TXNDC12: variants seen among roughly 807,000 people sequenced by gnomAD.
The protein encoded by TXNDC12 is thioredoxin domain containing 12, also known as thioredoxin domain-containing protein 12.
Under a neutral mutation model 24.2 loss-of-function variants are expected in TXNDC12, and 22 were observed. That is an observed-to-expected ratio of 0.91 (90% confidence interval 0.65 to 1.30). The LOEUF (loss-of-function observed/expected upper bound fraction) is 1.30, where lower values mean the gene tolerates loss of function less well. TXNDC12 is among the 50% of genes most tolerant of loss of function. The pLI is 0.00. For missense variants in TXNDC12, 184 were observed against 205.8 expected (o/e 0.89, Z 0.65); for synonymous variants, 58 against 73.4 (o/e 0.79, Z 1.07).
At chr1:52,044,656 A>G (rs949167646) in intron 1 of TXNDC12, among the ~76,000 whole-genome samples, 4 of 152,236 alleles carry the variant, frequency 2.6e-5, no homozygotes, top group African/African-American at 9.6e-5. Flanking sequence ...AATCACAAAA[A>G]CAGGCATGCA....
At chr1:52,033,201 A>G in intron 2 of TXNDC12, 1 of 1,614,228 alleles carries the variant, frequency 6.2e-7, no homozygotes, top group Non-Finnish European at 8.5e-7. Context: ...CCGGAGTCAC[A>G]AGAGCTGGAG....
intron 1 of TXNDC12, among the ~76,000 whole-genome samples, chr1:52,051,135 C>T (rs1345072253): frequency 1.3e-5 from 2 of 152,184 alleles, no homozygotes; most frequent in Non-Finnish European, 2.9e-5. Context: ...ATGCACACAA[C>T]AGCACCTGGA....
chr1:52,032,879 C>T (rs1205986795), intron 2 of TXNDC12: 1 of 1,613,884 alleles, frequency 6.2e-7, no homozygotes, highest in East Asian at 2.2e-5. Flanking sequence ...AGCAAGTCCC[C>T]GGGGACAGCG....
At chr1:52,027,552 T>G (rs927790809) in intron 3 of TXNDC12, among the ~76,000 whole-genome samples, 2 of 152,126 alleles carry the variant, frequency 1.3e-5, no homozygotes, top group African/African-American at 2.4e-5. Flanking sequence ...TTGAGTGACT[T>G]ACTTCATTTC....
intron 2 of TXNDC12, chr1:52,033,660 C>A (rs761346748): frequency 6.2e-7 from 1 of 1,611,316 alleles, no homozygotes; most frequent in Non-Finnish European, 8.5e-7. Context: ...CGTCGTCCAC[C>A]ACGTACACCG....
chr1:52,048,107 T>A (rs185496169), intron 1 of TXNDC12, among the ~76,000 whole-genome samples: 1 of 152,254 alleles, frequency 6.6e-6, no homozygotes, highest in East Asian at 1.9e-4. Context: ...AACTTGCCAA[T>A]TAAAGTGAAA....
At chr1:52,047,059 T>A (rs1686109489) in intron 1 of TXNDC12, among the ~76,000 whole-genome samples, 1 of 151,684 alleles carries the variant, frequency 6.6e-6, no homozygotes, top group South Asian at 2.1e-4. Flanking sequence ...AAAAGAATTT[T>A]GCTGTACCAG....
chr1:52,046,652 G>C (rs1165318107), intron 1 of TXNDC12, among the ~76,000 whole-genome samples: 1 of 152,076 alleles, frequency 6.6e-6, no homozygotes, highest in East Asian at 1.9e-4. Flanking sequence ...AAGGCAGGCA[G>C]ATCACTTGAG....
At chr1:52,055,473 C>G (rs1439688967), upstream of TXNDC12, 2 of 229,978 alleles carry the variant, frequency 8.7e-6, no homozygotes, top group Non-Finnish European at 1.8e-5. Flanking sequence ...CAGCCCCTCC[C>G]CCCAAGAACC....
chr1:52,046,025 C>T (rs1246613855), intron 1 of TXNDC12, among the ~76,000 whole-genome samples: 1 of 152,002 alleles, frequency 6.6e-6, no homozygotes, highest in Non-Finnish European at 1.5e-5. Context: ...CTAGCCTGGG[C>T]AACATAGTGA....
At chr1:52,052,475 G>A (rs1303602984) in intron 1 of TXNDC12, 1 of 169,486 alleles carries the variant, frequency 5.9e-6, no homozygotes, top group Non-Finnish European at 1.5e-5. Context: ...TTTCCACCTT[G>A]TTCTCTTATG....
chr1:52,045,059 G>A (rs535309321), intron 1 of TXNDC12, among the ~76,000 whole-genome samples: 2 of 151,868 alleles, frequency 1.3e-5, no homozygotes, highest in African/African-American at 2.4e-5. Flanking sequence ...GAAATACAAA[G>A]TGAATGAATA....
At chr1:52,047,666 G>T (rs1385155223) in intron 1 of TXNDC12, among the ~76,000 whole-genome samples, 2 of 152,176 alleles carry the variant, frequency 1.3e-5, no homozygotes, top group Non-Finnish European at 2.9e-5. Context: ...TACTCTGGAG[G>T]TTGAGTCAGG....
At position 52,055,031 on chromosome 1, in the gene TXNDC12, G is replaced by C. The variant is rs769379397; in HGVS notation, c.66C>G (p.Ile22Met). Residue 22 changes from isoleucine (I) to methionine (M), a missense_variant, in exon 1 of 7, where the codon ATC becomes ATG. Ile to Met is a conservative substitution (Grantham distance 10, BLOSUM62 1). Transcript: ENST00000371626. ...CAAGCCCATTATGTCCATCAGAAGA[G>C]ATGACGAGGAGCAGGAAACTGAAGC... Reference protein sequence around the residue: ...LLGFSFLLLVISSDGHNGLGK... With the variant: ...LLGFSFLLLVMSSDGHNGLGK... The C allele has an allele frequency of 7.4e-6, 12 of 1,614,072 alleles. No homozygotes were observed. The East Asian group carries it at 2.7e-4, about 36-fold the overall frequency.
In TXNDC12 at chr1:52,038,903, GTTT is replaced by G. The variant is rs71041880; in HGVS notation, c.158+2631_158+2633del. On this transcript the variant is annotated intron_variant, in intron 2 of 6. Coordinates refer to ENST00000371626, the MANE Select transcript of TXNDC12 (RefSeq NM_015913.4). Reference sequence around the variant, plus strand: ...AATTTTCTTTTTTTTTTCTTTTTCTGTTTTTTTTTTTTTTTTACGCAATTGGTC... The same window carrying G: ...AATTTTCTTTTTTTTTTCTTTTTCTGTTTTTTTTTTTTTACGCAATTGGTC... Among the ~76,000 whole-genome samples the G allele has an allele frequency of 6.0e-5, 7 of 116,286 alleles. No individual in the cohort carries two copies. In the East Asian group the frequency reaches 7.2e-4, roughly 12 times the overall value. The allele number at this position is 116,286 out of a possible 152,430, so 76.3% of individuals were successfully genotyped here. A position where few individuals can be genotyped will look rare whatever the true frequency, so the allele number is the denominator to read the frequency against.
Position 52,024,593 on chromosome 1 carries a change from A to T in TXNDC12, c.286-14T>A. The T allele has an allele frequency of 6.3e-7, 1 of 1,595,118 alleles. No homozygotes were observed. Among genetic ancestry groups the T allele is most frequent in the Non-Finnish European group, 8.6e-7 (1 of 1,167,214 alleles). On this transcript the variant is annotated splice_polypyrimidine_tract_variant and intron_variant, in intron 4 of 6. Transcript: ENST00000371626. ...TTCCTCTTCATCCTATTAAGATTAA[A>T]TGTAAACCTTAAGTCAGATAACGTC...
chr1:52,055,032 A>G lies in TXNDC12; in HGVS notation c.65T>C (p.Ile22Thr), dbSNP rs141609799. The part of the protein sequence containing the change: ...LLGFSFLLLV[I>T]SSDGHNGLGK... ...AAGCCCATTATGTCCATCAGAAGAGATGACGAGGAGCAGGAAACTGAAGCC... is the reference window on the plus strand; with the variant it reads ...AAGCCCATTATGTCCATCAGAAGAGGTGACGAGGAGCAGGAAACTGAAGCC... Residue 22 changes from isoleucine to threonine, a missense_variant, in exon 1 of 7, where the codon ATC becomes ACC. By Grantham distance (89) the Ile-to-Thr change is moderately conservative. Coordinates refer to ENST00000371626, the MANE Select transcript of TXNDC12 (RefSeq NM_015913.4). 2.6e-3 allele frequency: 4,120 copies of G among 1,614,020 alleles called. 79 individuals carry two copies. The African/African-American group carries it at 0.046, about 18-fold the overall frequency.
chr1:52,041,632 T>G lies in TXNDC12; in HGVS notation c.98-35A>C, dbSNP rs375763044. ...AAGAACTTTATAAGCATTCACATAATGAACAAAGGGCACAGTCCCAAGAAG... is the reference window on the plus strand; with the variant it reads ...AAGAACTTTATAAGCATTCACATAAGGAACAAAGGGCACAGTCCCAAGAAG... On this transcript the variant is annotated intron_variant, in intron 1 of 6. Transcript: ENST00000371626. 7.0e-6 allele frequency: 10 copies of G among 1,435,900 alleles called. No homozygotes were observed. In the African/African-American group the frequency reaches 1.3e-4, roughly 18 times the overall value. 88.9% of individuals were successfully genotyped at this position (1,435,900 alleles called of 1,614,324 possible).
intron 2 of TXNDC12, chr1:52,032,979 C>T (rs752332612): frequency 1.9e-6 from 3 of 1,568,438 alleles, no homozygotes; most frequent in Middle Eastern, 1.7e-4. Flanking sequence ...GGGGCTGGGA[C>T]TGCGTAGACT....
Sources: gnomAD v4.1 joint callset for allele counts (sites outside exome capture counted in the v4.1 genomes callset) on GRCh38, gnomAD v4.1.1 for gene constraint, MANE v1.5 for transcripts, NCBI Gene and HGNC (gene_info 2026-07-23, HGNC 2026-07-21) for gene names.